The following FAM53A variants were observed in gnomAD, a reference collection of about 807,000 sequenced individuals.
FAM53A encodes protein FAM53A.
A neutral mutation model predicts 26.6 loss-of-function variants in FAM53A; 28 were observed. The ratio of observed to expected loss-of-function variants is 1.05; its 90% confidence interval spans 0.78 to 1.45. FAM53A has a LOEUF of 1.45. Among genes scored for constraint, FAM53A ranks in the 40% most tolerant of loss-of-function variants. FAM53A has a pLI of 0.00. For synonymous variants in FAM53A, 290 were observed against 253.1 expected (o/e 1.15, Z -1.38); for missense variants, 650 against 575.8 (o/e 1.13, Z -1.32).
the FAM53A span, among the ~76,000 whole-genome samples, chr4:1,601,317 C>T: frequency 2.9e-5 from 2 of 68,006 alleles, 1 homozygote; most frequent in Admixed American, 3.8e-4. Context: ...ACAGTGGGGA[C>T]ACCAGGCAGC....
chr4:1,607,410 C>G, the FAM53A span, among the ~76,000 whole-genome samples: 1 of 151,908 alleles, frequency 6.6e-6, no homozygotes, highest in South Asian at 2.1e-4. Context: ...CGTGCGTACA[C>G]AAAAGCAGTG....
chr4:1,655,873 G>A (rs1285579013), intron 3 of FAM53A, 150 bp from the exon 4 acceptor site: 28 of 975,368 alleles, frequency 2.9e-5, no homozygotes, highest in Middle Eastern at 3.4e-4. Context: ...TGTCCGTGGC[G>A]CACAGTGGAC....
chr4:1,603,819 G>C, the FAM53A span, among the ~76,000 whole-genome samples: 683 of 152,290 alleles, frequency 4.5e-3, 6 homozygotes, highest in African/African-American at 0.016. Context: ...GGAGCCTGGG[G>C]TGTGGAGCCT....
the FAM53A span, among the ~76,000 whole-genome samples, chr4:1,590,955 CATATAT>C: frequency 0.025 from 1,141 of 46,032 alleles, 23 homozygotes; most frequent in Middle Eastern, 0.038. Context: ...TTATTTAATG[CATATAT>C]ATATATATAT....
chr4:1,651,026 G>A (rs1712733973), intron 4 of FAM53A, among the ~76,000 whole-genome samples: 1 of 149,284 alleles, frequency 6.7e-6, no homozygotes, highest in Non-Finnish European at 1.5e-5. Flanking sequence ...AGACCAGCCT[G>A]GCCAACGTGG....
intron 2 of FAM53A, among the ~76,000 whole-genome samples, chr4:1,666,044 A>G (rs1411381076): frequency 1.5e-5 from 1 of 65,608 alleles, no homozygotes; most frequent in Non-Finnish European, 3.3e-5. Context: ...CTAAAATAAA[A>G]TCTGCACCTG....
intron 4 of FAM53A, among the ~76,000 whole-genome samples, chr4:1,650,261 A>C (rs62287692): frequency 0.024 from 1,159 of 47,800 alleles, no homozygotes; most frequent in Admixed American, 0.031. Flanking sequence ...TGAGGTGGCA[A>C]AGGCGTGGCG....
intron 4 of FAM53A, among the ~76,000 whole-genome samples, chr4:1,653,538 G>C (rs756538851): frequency 2.0e-5 from 3 of 152,170 alleles, no homozygotes; most frequent in Non-Finnish European, 4.4e-5. Context: ...CCAAGCCCTG[G>C]CAAGCAGGGA....
intron 4 of FAM53A, among the ~76,000 whole-genome samples, chr4:1,654,040 G>T (rs1577121980): frequency 6.6e-6 from 1 of 152,176 alleles, no homozygotes; most frequent in East Asian, 1.9e-4. Context: ...ATGGGGCTGG[G>T]GATGAGAGTT....
chr4:1,629,500 G>A lies in FAM53A; in HGVS notation c.432-11389C>T, dbSNP rs547537527. Among the ~76,000 whole-genome samples the A allele has an allele frequency of 2.6e-5, 4 of 152,344 alleles. No individual in the cohort carries two copies. The South Asian group carries it at 8.3e-4, about 32-fold the overall frequency. On this transcript the variant is annotated intron_variant, in intron 1 of 1. Transcript: ENST00000489029. Reference sequence around the variant, plus strand: ...AGTAGGAGACATGTCCGTCCTGAGGGCCACTGGCCATGGCCTTGGCCTGGG... The same window carrying A: ...AGTAGGAGACATGTCCGTCCTGAGGACCACTGGCCATGGCCTTGGCCTGGG...
chr4:1,583,603 T>A, the FAM53A span, among the ~76,000 whole-genome samples: 2 of 152,210 alleles, frequency 1.3e-5, no homozygotes, highest in Non-Finnish European at 2.9e-5. Context: ...ACCCTCCCAG[T>A]CCTGCAGCTC....
In FAM53A at chr4:1,668,774, C is replaced by CA. The variant is rs773992844; in HGVS notation, c.-34dup. The CA allele has an allele frequency of 3.7e-6, 6 of 1,607,786 alleles. No homozygotes were observed. The highest frequency in any genetic ancestry group is 5.1e-6 in the Non-Finnish European group (6 of 1,174,624). ...GCCCCGTGTCCTCCGTCCACACCAA[C>CA]AGGCACTGGAGTCCTGGAACATCAG... On this transcript the variant is annotated 5_prime_UTR_variant, in exon 2 of 5. Coordinates refer to ENST00000308132, the MANE Select transcript of FAM53A (RefSeq NM_001174070.3).
At chr4:1,636,412 C>G (rs987762458), downstream of FAM53A, among the ~76,000 whole-genome samples, 1 of 152,222 alleles carries the variant, frequency 6.6e-6, no homozygotes, top group Non-Finnish European at 1.5e-5. Context: ...AATTTCTCCT[C>G]GCAGTTGGCT....
chr4:1,669,885 T>A (rs980878294), intron 1 of FAM53A, among the ~76,000 whole-genome samples: 4 of 152,232 alleles, frequency 2.6e-5, no homozygotes, highest in African/African-American at 9.6e-5. Context: ...CCACACAACC[T>A]CCAGGGTGTG....
intron 2 of FAM53A, among the ~76,000 whole-genome samples, chr4:1,657,798 C>T (rs970215783): frequency 4.4e-4 from 66 of 151,612 alleles, no homozygotes; most frequent in Admixed American, 1.2e-3. Flanking sequence ...CCACCACGCC[C>T]GGTTAATTTT....
At position 1,630,930 on chromosome 4, in the gene FAM53A, C is replaced by G. The variant is rs371248072; in HGVS notation, c.432-12819G>C. On this transcript the variant is annotated intron_variant, in intron 1 of 1. Coordinates refer to the FAM53A transcript ENST00000489029. This position sits in a 1 kb window ranked among gnomAD's most constrained non-coding sequence, Gnocchi z 4.3. ...CCATGGCACGCGCCTGCAGTCCCAG[C>G]ACTTTGGGAGGGTGAGGCAGGAGGA... is the stretch of plus-strand genomic sequence containing the variant. Among the ~76,000 whole-genome samples, 2 of 152,198 alleles carry G rather than the reference C, an allele frequency of 1.3e-5. No individual in the cohort carries two copies. Among genetic ancestry groups the G allele is most frequent in the South Asian group, 2.1e-4 (1 of 4,834 alleles).
chr4:1,581,988 C>T, the FAM53A span, among the ~76,000 whole-genome samples: 1 of 152,064 alleles, frequency 6.6e-6, no homozygotes, highest in African/African-American at 2.4e-5. Flanking sequence ...AACTCCTGAG[C>T]TCAAGTGATC....
intron 1 of FAM53A, among the ~76,000 whole-genome samples, chr4:1,675,712 G>A (rs115402735): frequency 0.011 from 1,714 of 152,266 alleles, 28 homozygotes; most frequent in African/African-American, 0.039. Flanking sequence ...CGACCTCAGC[G>A]GAAAGCAGAT....
At chr4:1,598,138 GAGCCCCTAGGGGCCC>G in the FAM53A span, among the ~76,000 whole-genome samples, 2 of 152,192 alleles carry the variant, frequency 1.3e-5, no homozygotes, top group Non-Finnish European at 2.9e-5. Flanking sequence ...CCCCCTTTGT[GAGCCCCTAGGGGCCC>G]AGCCCCTTCT....
Sources: allele counts gnomAD v4.1 joint callset (sites outside exome capture counted in the v4.1 genomes callset), GRCh38; gene constraint gnomAD v4.1.1; non-coding constraint Gnocchi (gnomAD v3.1); transcripts MANE v1.5; gene names NCBI Gene and HGNC (gene_info 2026-07-23, HGNC 2026-07-21).